The following GMDS variants were observed in gnomAD, a reference collection of about 807,000 sequenced individuals.
The protein encoded by GMDS is GDP-mannose 4,6-dehydratase.
A neutral mutation model predicts 49.9 loss-of-function variants in GMDS; 20 were observed. The observed-to-expected ratio is 0.40, with a 90% CI of 0.28 to 0.58. The LOEUF (loss-of-function observed/expected upper bound fraction) is 0.58. Among genes scored for constraint, GMDS ranks in the 20% least tolerant of loss-of-function variants. The pLI is 0.42. For missense variants in GMDS, 362 were observed against 481.4 expected (o/e 0.75, Z 2.32); for synonymous variants, 177 against 178.6 (o/e 0.99, Z 0.07).
intron 7 of GMDS, among the ~76,000 whole-genome samples, chr6:1,884,859 T>C (rs1759526885): frequency 2.0e-5 from 3 of 152,226 alleles, no homozygotes; most frequent in Non-Finnish European, 4.4e-5. Context: ...AATGCTTGAA[T>C]AGACATTATT....
At chr6:1,705,391 CT>C (rs1309563561) in intron 9 of GMDS, among the ~76,000 whole-genome samples, 1 of 152,226 alleles carries the variant, frequency 6.6e-6, no homozygotes, top group Non-Finnish European at 1.5e-5. Context: ...CCTCTGTCCC[CT>C]GCCCCTTGTA....
At chr6:2,111,468 C>T (rs376477885) in intron 4 of GMDS, among the ~76,000 whole-genome samples, 27 of 152,328 alleles carry the variant, frequency 1.8e-4, no homozygotes, top group South Asian at 4.1e-4. Context: ...TCCCAGACTT[C>T]TGTGGGTTTA....
At chr6:1,974,519 T>TGCCGTG (rs1330687467) in intron 4 of GMDS, among the ~76,000 whole-genome samples, 2 of 152,144 alleles carry the variant, frequency 1.3e-5, no homozygotes, top group African/African-American at 4.8e-5. Flanking sequence ...TCTCTCTATT[T>TGCCGTG]GCTGTGGAAG....
intron 1 of GMDS, among the ~76,000 whole-genome samples, chr6:2,141,254 G>A (rs1416640754): frequency 1.3e-5 from 2 of 152,190 alleles, no homozygotes; most frequent in African/African-American, 4.8e-5. Context: ...GGATCTTCCT[G>A]TGGAGACAAG....
intron 4 of GMDS, among the ~76,000 whole-genome samples, chr6:2,093,086 G>A (rs905769908): frequency 5.3e-5 from 8 of 152,134 alleles, no homozygotes; most frequent in African/African-American, 1.9e-4. Flanking sequence ...GACAAAGCAG[G>A]AAACCTATAG....
chr6:2,092,218 C>T (rs938634585), intron 4 of GMDS, among the ~76,000 whole-genome samples: 1 of 152,168 alleles, frequency 6.6e-6, no homozygotes, highest in African/African-American at 2.4e-5. Flanking sequence ...TCAGGGTATA[C>T]TTGTTAATCC....
intron 1 of GMDS, among the ~76,000 whole-genome samples, chr6:2,145,794 G>C (rs941349581): frequency 1.3e-5 from 2 of 152,212 alleles, no homozygotes; most frequent in African/African-American, 4.8e-5. Context: ...TTAGGAGGCT[G>C]AGACAAGAGG....
chr6:1,648,091 T>C (rs1369307255), intron 9 of GMDS, among the ~76,000 whole-genome samples: 1 of 152,178 alleles, frequency 6.6e-6, no homozygotes, highest in Admixed American at 6.5e-5. Context: ...ACTCAAAATA[T>C]ATCTCTTGAG....
chr6:1,678,328 C>T (rs985115266), intron 9 of GMDS, among the ~76,000 whole-genome samples: 3 of 152,158 alleles, frequency 2.0e-5, no homozygotes, highest in Admixed American at 6.5e-5. Context: ...AGTCAATCAC[C>T]CTCCCAATGT....
intron 1 of GMDS, among the ~76,000 whole-genome samples, chr6:2,166,531 A>G (rs934574083): frequency 1.3e-5 from 2 of 152,194 alleles, no homozygotes; most frequent in African/African-American, 4.8e-5. Flanking sequence ...TCAAATTCGG[A>G]TCTGACTCTG....
intron 1 of GMDS, among the ~76,000 whole-genome samples, chr6:2,195,319 T>C (rs1448950210): frequency 6.6e-6 from 1 of 151,920 alleles, no homozygotes; most frequent in Non-Finnish European, 1.5e-5. Flanking sequence ...TGTTTTATTT[T>C]CCATTATTCC....
chr6:1,980,901 T>C (rs1258318297), intron 4 of GMDS, among the ~76,000 whole-genome samples: 1 of 152,122 alleles, frequency 6.6e-6, no homozygotes, highest in Non-Finnish European at 1.5e-5. Context: ...ACTACACAAC[T>C]ATTAATACAT....
At chr6:2,175,097 A>G (rs989106566) in intron 1 of GMDS, among the ~76,000 whole-genome samples, 1 of 152,186 alleles carries the variant, frequency 6.6e-6, no homozygotes, top group Non-Finnish European at 1.5e-5. Context: ...GTGCAAAGTA[A>G]TAATTTTAAA....
chr6:1,655,403 T>C (rs76197472), intron 9 of GMDS, among the ~76,000 whole-genome samples: 1 of 152,160 alleles, frequency 6.6e-6, no homozygotes, highest in Non-Finnish European at 1.5e-5. Context: ...GTATATATTC[T>C]TTTTTCAATT....
intron 4 of GMDS, among the ~76,000 whole-genome samples, chr6:2,107,651 T>C (rs765679463): frequency 1.4e-4 from 21 of 152,224 alleles, no homozygotes; most frequent in Non-Finnish European, 2.5e-4. Context: ...TGGGAGCTTG[T>C]AGAACAAAAA....
chr6:1,998,528 C>G (rs1036180923), intron 4 of GMDS, among the ~76,000 whole-genome samples: 3 of 152,154 alleles, frequency 2.0e-5, no homozygotes, highest in Non-Finnish European at 4.4e-5. Flanking sequence ...AAAATATTAA[C>G]AGTCAGCCCT....
intron 4 of GMDS, among the ~76,000 whole-genome samples, chr6:1,988,772 A>C (rs946303977): frequency 1.1e-4 from 16 of 152,300 alleles, no homozygotes; most frequent in African/African-American, 3.4e-4. Context: ...TAAAATGAGA[A>C]GTGGATTTTG....
At chr6:1,668,206 T>C (rs1002881072) in intron 9 of GMDS, among the ~76,000 whole-genome samples, 4 of 152,372 alleles carry the variant, frequency 2.6e-5, no homozygotes, top group Admixed American at 2.6e-4. Context: ...ATAAAAAGTT[T>C]ATTCAGTTAC....
chr6:1,818,347 C>T (rs183024462), intron 7 of GMDS, among the ~76,000 whole-genome samples: 101 of 152,234 alleles, frequency 6.6e-4, no homozygotes, highest in African/African-American at 2.4e-3. Flanking sequence ...GTGGCTCATG[C>T]CTGTAATCCC....
Sources: allele counts gnomAD v4.1 joint callset (sites outside exome capture counted in the v4.1 genomes callset), GRCh38; gene constraint gnomAD v4.1.1; transcripts MANE v1.5; gene names NCBI Gene and HGNC (gene_info 2026-07-23, HGNC 2026-07-21).